Variants in REM2 observed in about 807,000 individuals in gnomAD.
REM2 encodes the protein RRAD and GEM like GTPase 2.
REM2 carries 24 observed loss-of-function variants against 24.4 expected under a neutral mutation model. The ratio of observed to expected loss-of-function variants is 0.98; its 90% CI spans 0.71 to 1.38. REM2 has a LOEUF of 1.38. Among genes scored for constraint, REM2 ranks in the 40% most tolerant of loss-of-function variants. The pLI is 0.00. For missense variants in REM2, 429 were observed against 467.8 expected, an observed-to-expected ratio of 0.92 and a Z score of 0.77; for synonymous variants, 187 against 198.0, an observed-to-expected ratio of 0.94 and a Z score of 0.47.
Position 22,886,278 on chromosome 14 carries a change from T to C in REM2, c.727+47T>C, listed in dbSNP as rs1014073903. 1.3e-6 allele frequency: 2 copies of C among 1,518,422 alleles called. No individual in the cohort carries two copies. Among genetic ancestry groups the C allele is most frequent in the Admixed American group, 1.9e-5 (1 of 52,556 alleles). The allele number at this position is 1,518,422 out of a possible 1,614,324, so 94.1% of individuals were successfully genotyped here. On this transcript the variant is annotated intron_variant, in intron 4 of 4. Coordinates refer to ENST00000267396, the MANE Select transcript of REM2 (RefSeq NM_173527.3). The surrounding 1 kb of genome is among the most constrained non-coding windows in gnomAD (Gnocchi z 5.9). ...CATACTTGCGATCTCAGGGGAATGC[T>C]CTCCCTTCCAAGTCACCTCTTCTCC...
In REM2 at chr14:22,885,097, C is replaced by T. The variant is rs758808174; in HGVS notation, c.445+82C>T. 1,299 of 1,442,988 alleles carry T rather than the reference C, an allele frequency of 9.0e-4. 1 individual carries two copies. The highest frequency in any genetic ancestry group is 1.1e-3 in the Non-Finnish European group (1,194 of 1,071,386). The allele number at this position is 1,442,988 out of a possible 1,614,324, so 89.4% of individuals were successfully genotyped here. On this transcript the variant is annotated intron_variant, in intron 2 of 4. Coordinates refer to ENST00000267396, the MANE Select transcript of REM2 (RefSeq NM_173527.3). ...GAAGTGCTCGTGACCTGAGCAGCCCCTGAAGGACAGAGCTTAACAGAAGCT... is the reference window on the plus strand; with the variant it reads ...GAAGTGCTCGTGACCTGAGCAGCCCTTGAAGGACAGAGCTTAACAGAAGCT...
Position 22,887,064 on chromosome 14 carries a change from C to T in REM2, c.*155C>T. ...CCCCGGTGTGACCGCCGGGGGCGGC[C>T]CGGGGCCGCTCGGCGGCACCTCCAC... On this transcript the variant is annotated 3_prime_UTR_variant, in exon 5 of 5. Transcript: ENST00000267396. 3.3e-6 allele frequency: 2 copies of T among 600,382 alleles called. No individual in the cohort carries two copies. The highest frequency in any genetic ancestry group is 5.2e-6 in the Non-Finnish European group (2 of 382,822). The allele number at this position is 600,382 out of a possible 1,614,324, so 37.2% of individuals were successfully genotyped here. A position where few individuals can be genotyped will look rare whatever the true frequency, so the allele number is the denominator to read the frequency against.
At chr14:22,884,490 C>T (rs2040101861) in intron 1 of REM2, 184 bp from the exon 2 acceptor site, 1 of 985,312 alleles carries the variant, frequency 1.0e-6, no homozygotes, top group African/African-American at 1.7e-5. Context: ...AACTCCAGTT[C>T]AGGCTTCTGG....
At position 22,885,413 on chromosome 14, in the gene REM2, G is replaced by C. The variant is rs1052078666; in HGVS notation, c.519+74G>C. On this transcript the variant is annotated intron_variant, in intron 3 of 4. Transcript: ENST00000267396. ...GGGGAAGGGCAAAGTCTGGCTGAAG[G>C]CTGGTGGGACTGCTGGTCCTGGTTT... 317 of 1,130,582 alleles carry C rather than the reference G, an allele frequency of 2.8e-4. 3 individuals carry two copies. The highest frequency in any genetic ancestry group is 2.9e-4 in the Admixed American group (17 of 58,896). 70.0% of individuals were successfully genotyped at this position (1,130,582 alleles called of 1,614,324 possible).
Position 22,886,269 on chromosome 14 carries a change from G to C in REM2, c.727+38G>C. The C allele has an allele frequency of 6.5e-7, 1 of 1,546,700 alleles. No homozygotes were observed. On this transcript the variant is annotated intron_variant, in intron 4 of 4. Coordinates refer to ENST00000267396, the MANE Select transcript of REM2 (RefSeq NM_173527.3). This position sits in a 1 kb window ranked among gnomAD's most constrained non-coding sequence, Gnocchi z 5.9. The stretch of plus-strand genomic sequence containing the variant: ...AACAGATTCCATACTTGCGATCTCA[G>C]GGGAATGCTCTCCCTTCCAAGTCAC...
intron 1 of REM2, 24 bp from the exon 2 acceptor site, chr14:22,884,650 C>A (rs757137970): frequency 6.3e-7 from 1 of 1,575,580 alleles, no homozygotes; most frequent in Non-Finnish European, 8.6e-7. Context: ...GCTTCCTTTT[C>A]TTTGCCCTCC....
chr14:22,884,314 C>T (rs1339781518), intron 1 of REM2: 1 of 985,314 alleles, frequency 1.0e-6, no homozygotes, highest in Non-Finnish European at 1.2e-6. Flanking sequence ...TTCCCCAAAC[C>T]TCCCCCAACT....
In REM2 at chr14:22,884,896, C is replaced by T; in HGVS notation, c.326C>T (p.Ala109Val). 5 of 1,613,040 alleles carry T rather than the reference C, an allele frequency of 3.1e-6. No individual in the cohort carries two copies. The highest frequency in any genetic ancestry group is 4.2e-6 in the Non-Finnish European group (5 of 1,179,206). The change falls in exon 2 of 5, where the codon GCT becomes GTT. Residue 109 changes from alanine to valine, a missense_variant. By Grantham distance (64) the Ala-to-Val change is moderately conservative. Transcript: ENST00000267396. ...TTGGGCTCAGGGGAGGCAGCCCCTG[C>T]TCAAAAGGATGGCATCTTCAAGGTC... ...DSLGSGEAAP[A>V]QKDGIFKVML...
In REM2 at chr14:22,886,391, G is replaced by T. The variant is rs2040128290; in HGVS notation, c.727+160G>T. 3.9e-6 allele frequency: 3 copies of T among 774,126 alleles called. No homozygotes were observed. In the East Asian group the frequency reaches 8.1e-5, roughly 21 times the overall value. The allele number at this position is 774,126 out of a possible 1,614,324, so 48.0% of individuals were successfully genotyped here. On this transcript the variant is annotated intron_variant, in intron 4 of 4. Coordinates refer to ENST00000267396, the MANE Select transcript of REM2 (RefSeq NM_173527.3). This position sits in a 1 kb window ranked among gnomAD's most constrained non-coding sequence, Gnocchi z 5.9. The stretch of plus-strand genomic sequence containing the variant: ...TCCCAATGCCCCACTCGAGGATCCT[G>T]AGAATCCCTTCTTGTCACTTCCCCT...
At position 22,886,786 on chromosome 14, in the gene REM2, G is replaced by T; in HGVS notation, c.900G>T (p.Ala300=). The change falls in exon 5 of 5, where the codon GCG becomes GCT. Residue 300 remains alanine (A), a synonymous_variant. Transcript: ENST00000267396. The surrounding 1 kb of genome is among the most constrained non-coding windows in gnomAD (Gnocchi z 5.9). ...ATCCGGGCAGCCCCGAGGGCCCTGCGCCACCTGCACGCCGCGAGAGCCTCA... is the reference window on the plus strand; with the variant it reads ...ATCCGGGCAGCCCCGAGGGCCCTGCTCCACCTGCACGCCGCGAGAGCCTCA... ...RPDPGSPEGP[A]PPARRESLTK... 6.5e-7 allele frequency: 1 copy of T among 1,548,674 alleles called. No individual in the cohort carries two copies. The highest frequency in any genetic ancestry group is 8.7e-7 in the Non-Finnish European group (1 of 1,146,328).
rs1393068761 is a variant in REM2, at chr14:22,887,645, C to G, written c.*736C>G. 6.6e-6 allele frequency: 1 copy of G among 152,260 alleles called. No individual in the cohort carries two copies. The allele number at this position is 152,260 out of a possible 1,614,324, so 9.4% of individuals were successfully genotyped here. A position where few individuals can be genotyped will look rare whatever the true frequency, so the allele number is the denominator to read the frequency against. ...AGGGGGGCACCAGCAAGGGGCCACC[C>G]TTTCCCTTTTCAATAAATAATTTTT... On this transcript the variant is annotated 3_prime_UTR_variant, in exon 5 of 5. Coordinates refer to ENST00000267396, the MANE Select transcript of REM2 (RefSeq NM_173527.3).
At chr14:22,883,502 G>A in intron 1 of REM2, 112 bp downstream of exon 1, 1 of 929,998 alleles carries the variant, frequency 1.1e-6, no homozygotes, top group Non-Finnish European at 1.7e-6. Flanking sequence ...TCAGCAAGAG[G>A]AGAAGAGCAA....
Position 22,886,630 on chromosome 14 carries a change from C to T in REM2, c.744C>T (p.Ala248=), listed in dbSNP as rs1396905041. 6.9e-7 allele frequency: 1 copy of T among 1,453,570 alleles called. No individual in the cohort carries two copies. The highest frequency in any genetic ancestry group is 1.4e-5 in the African/African-American group (1 of 69,814). The allele number at this position is 1,453,570 out of a possible 1,614,324, so 90.0% of individuals were successfully genotyped here. A position where few individuals can be genotyped will look rare whatever the true frequency, so the allele number is the denominator to read the frequency against. ...TTCCTGCAGAGGGCCGCCACCTGGC[C>T]GGGACGCTGAGCTGCAAGCACATCG... is the stretch of plus-strand genomic sequence containing the variant. ...EVSLEEGRHL[A]GTLSCKHIET... The change falls in exon 5 of 5, where the codon GCC becomes GCT. Residue 248 remains alanine, a synonymous_variant. Transcript: ENST00000267396. The surrounding 1 kb of genome is among the most constrained non-coding windows in gnomAD (Gnocchi z 5.9).
rs1204230900 is a variant in REM2 at position 22,884,860 on chromosome 14, C to T, written c.290C>T (p.Ser97Leu). The change falls in exon 2 of 5, where the codon TCG becomes TTG. Residue 97 changes from serine to leucine, a missense_variant. Ser to Leu is a moderately radical substitution (Grantham distance 145, BLOSUM62 -2). Coordinates refer to ENST00000267396, the MANE Select transcript of REM2 (RefSeq NM_173527.3). ...DWPPQASSSGSSDSLGSGEAA... is the reference protein window; with the variant it reads ...DWPPQASSSGLSDSLGSGEAA... ...CCACCTCAGGCCTCATCCTCTGGCT[C>T]GTCTGACTCCTTGGGCTCAGGGGAG... 6.2e-6 allele frequency: 10 copies of T among 1,613,812 alleles called. 1 individual carries two copies. Among genetic ancestry groups the T allele is most frequent in the South Asian group, 5.5e-5 (5 of 91,084 alleles).
chr14:22,886,586 G>T lies in REM2; in HGVS notation c.728-28G>T. ...CGCCCCGGGTCCCGTACAGCCCAGC[G>T]GGCGCCTGAGCCGGTGCCTTCCTGC... On this transcript the variant is annotated intron_variant, in intron 4 of 4. Coordinates refer to ENST00000267396, the MANE Select transcript of REM2 (RefSeq NM_173527.3). This position sits in a 1 kb window ranked among gnomAD's most constrained non-coding sequence, Gnocchi z 5.9. 2 of 1,442,102 alleles carry T rather than the reference G, an allele frequency of 1.4e-6. No individual in the cohort carries two copies. The highest frequency in any genetic ancestry group is 1.8e-6 in the Non-Finnish European group (2 of 1,097,600). The allele number at this position is 1,442,102 out of a possible 1,614,324, so 89.3% of individuals were successfully genotyped here. A position where few individuals can be genotyped will look rare whatever the true frequency, so the allele number is the denominator to read the frequency against.
rs2040105388 is a variant in REM2 at position 22,884,744 on chromosome 14, T to C, written c.174T>C (p.Ser58=). The change falls in exon 2 of 5, where the codon TCT becomes TCC. Residue 58 remains serine, a synonymous_variant. Transcript: ENST00000267396. ...AGTTGGACCGGAGCGGGTTACCCTC[T>C]GCCCCTGGGGCCCCCAGACGAAGAG... The part of the protein sequence containing the change: ...LAELDRSGLP[S]APGAPRRRGS... 6.2e-7 allele frequency: 1 copy of C among 1,613,930 alleles called. No individual in the cohort carries two copies. Among genetic ancestry groups the C allele is most frequent in the Non-Finnish European group, 8.5e-7 (1 of 1,179,890 alleles).
Position 22,886,073 on chromosome 14 carries a change from C to A in REM2, c.569C>A (p.Ala190Asp), listed in dbSNP as rs201116532. ...GACCACTGCCTTCAGACCGGGGACG[C>A]CTTTCTCATCGTCTTCTCAGTCACC... Reference protein sequence around the residue: ...LRDHCLQTGDAFLIVFSVTDR... With the variant: ...LRDHCLQTGDDFLIVFSVTDR... The change falls in exon 4 of 5, where the codon GCC becomes GAC. Residue 190 changes from alanine to aspartate, a missense_variant. Coordinates refer to ENST00000267396, the MANE Select transcript of REM2 (RefSeq NM_173527.3). This position sits in a 1 kb window ranked among gnomAD's most constrained non-coding sequence, Gnocchi z 5.9. 5 of 1,613,878 alleles carry A rather than the reference C, an allele frequency of 3.1e-6. No homozygotes were observed. The highest frequency in any genetic ancestry group is 1.3e-5 in the African/African-American group (1 of 74,916).
Position 22,886,161 on chromosome 14 carries a change from C to A in REM2, c.657C>A (p.His219Gln), listed in dbSNP as rs774552269. 6.3e-5 allele frequency: 101 copies of A among 1,613,868 alleles called. No homozygotes were observed. The South Asian group carries it at 1.1e-3, about 17-fold the overall frequency. Residue 219 changes from histidine (H) to glutamine (Q), a missense_variant, in exon 4 of 5, where the codon CAC becomes CAA. Physicochemically the swap from His to Gln is conservative, Grantham distance 24. Transcript: ENST00000267396. This position sits in a 1 kb window ranked among gnomAD's most constrained non-coding sequence, Gnocchi z 5.9. ...TTCGGCTCCGGGCTGGGAGGCCGCA[C>A]CACGACCTACCCGTTATCCTCGTTG... The part of the protein sequence containing the change: ...TLLRLRAGRP[H>Q]HDLPVILVGN...
rs748882154 is a variant in REM2, at chr14:22,886,156, C to A, written c.652C>A (p.Pro218Thr). The A allele has an allele frequency of 6.2e-7, 1 of 1,613,836 alleles. No homozygotes were observed. Among genetic ancestry groups the A allele is most frequent in the Non-Finnish European group, 8.5e-7 (1 of 1,179,858 alleles). The change falls in exon 4 of 5, where the codon CCG (proline) becomes ACG (threonine). Residue 218 changes from proline (P) to threonine (T), a missense_variant. Coordinates refer to ENST00000267396, the MANE Select transcript of REM2 (RefSeq NM_173527.3). The surrounding 1 kb of genome is among the most constrained non-coding windows in gnomAD (Gnocchi z 5.9). ...ETLLRLRAGRPHHDLPVILVG... is the reference protein window; with the variant it reads ...ETLLRLRAGRTHHDLPVILVG... ...CCTACTTCGGCTCCGGGCTGGGAGG[C>A]CGCACCACGACCTACCCGTTATCCT... is the stretch of plus-strand genomic sequence containing the variant.
Sources: allele counts gnomAD v4.1 joint callset, GRCh38; gene constraint gnomAD v4.1.1; non-coding constraint Gnocchi (gnomAD v3.1); transcripts MANE v1.5; gene names NCBI Gene and HGNC (gene_info 2026-07-23, HGNC 2026-07-21).